KAT2B: variants seen among roughly 807,000 people sequenced by gnomAD.
The protein encoded by KAT2B is lysine acetyltransferase 2B.
In KAT2B, 36 loss-of-function variants were observed where a neutral mutation model predicts 105.9. The observed-to-expected ratio is 0.34, with a 90% CI of 0.26 to 0.45. KAT2B has a LOEUF of 0.45. Among genes scored for constraint, KAT2B ranks in the 20% least tolerant of loss-of-function variants. The pLI, the probability that KAT2B is intolerant of heterozygous loss-of-function variation, is 1.00. For missense variants in KAT2B, 820 were observed against 1,021.6 expected, an observed-to-expected ratio of 0.80 and a Z score of 2.69; for synonymous variants, 397 against 377.9, an observed-to-expected ratio of 1.05 and a Z score of -0.59.
intron 12 of KAT2B, among the ~76,000 whole-genome samples, chr3:20,138,246 C>G (rs530985357): frequency 1.3e-5 from 2 of 151,998 alleles, no homozygotes; most frequent in African/African-American, 4.8e-5. Flanking sequence ...TCAGCTCATA[C>G]CTATGCTGTT....
At chr3:20,133,851 A>G (rs1334570320) in intron 11 of KAT2B, among the ~76,000 whole-genome samples, 1 of 152,080 alleles carries the variant, frequency 6.6e-6, no homozygotes, top group Non-Finnish European at 1.5e-5. Flanking sequence ...ATTTTATGGT[A>G]GAGCGCTCTG....
Position 20,114,938 on chromosome 3 carries a change from A to C in KAT2B, c.1100A>C (p.Gln367Pro). The C allele has an allele frequency of 6.2e-7, 1 of 1,613,272 alleles. No homozygotes were observed. Among genetic ancestry groups the C allele is most frequent in the South Asian group, 1.1e-5 (1 of 91,062 alleles). The change falls in exon 7 of 18, where the codon CAG (glutamine) becomes CCG (proline). Residue 367 changes from glutamine (Q) to proline (P), a missense_variant. By Grantham distance (76) the Gln-to-Pro change is moderately conservative (BLOSUM62 -1). This residue lies in a region of KAT2B where 225 missense variants were observed against 268.1 expected (regional missense o/e 0.84). Transcript: ENST00000263754. The stretch of plus-strand genomic sequence containing the variant: ...AGTCAAAACTCTCCCATCTGGGATC[A>C]GGATTTTCTCTCAGCCTCTTCCAGA... ...VYSQNSPIWDQDFLSASSRTS... is the reference protein window; with the variant it reads ...VYSQNSPIWDPDFLSASSRTS...
chr3:20,117,311 T>C (rs1449402258), intron 7 of KAT2B, among the ~76,000 whole-genome samples: 1 of 152,196 alleles, frequency 6.6e-6, no homozygotes, highest in Non-Finnish European at 1.5e-5. Context: ...GGCTGTCTTC[T>C]CTTGTTCTAC....
intron 2 of KAT2B, among the ~76,000 whole-genome samples, chr3:20,077,182 A>G (rs910641489): frequency 1.6e-4 from 25 of 152,298 alleles, no homozygotes; most frequent in African/African-American, 5.3e-4. Context: ...CTAGGAAGTA[A>G]TAATTCTAGC....
chr3:20,070,427 C>A (rs1001604795), intron 1 of KAT2B, among the ~76,000 whole-genome samples: 1 of 151,218 alleles, frequency 6.6e-6, no homozygotes, highest in Non-Finnish European at 1.5e-5. Context: ...GCCTCAGCCT[C>A]CTGAGTAGCT....
At chr3:20,054,163 T>A (rs1697965233) in intron 1 of KAT2B, among the ~76,000 whole-genome samples, 1 of 151,812 alleles carries the variant, frequency 6.6e-6, no homozygotes, top group Non-Finnish European at 1.5e-5. Flanking sequence ...GGTGTCTCGC[T>A]CTGTCACCTA....
In KAT2B at chr3:20,040,545, G is replaced by A. The variant is rs1300527475; in HGVS notation, c.68G>A (p.Gly23Glu). The A allele has an allele frequency of 9.8e-7, 1 of 1,016,422 alleles. No individual in the cohort carries two copies. The highest frequency in any genetic ancestry group is 1.2e-6 in the Non-Finnish European group (1 of 846,556). 63.0% of individuals were successfully genotyped at this position (1,016,422 alleles called of 1,614,324 possible). A position where few individuals can be genotyped will look rare whatever the true frequency, so the allele number is the denominator to read the frequency against. Residue 23 changes from glycine to glutamate, a missense_variant, in exon 1 of 18, where the codon GGG (glycine) becomes GAG (glutamate). Coordinates refer to ENST00000263754, the MANE Select transcript of KAT2B (RefSeq NM_003884.5). ...GGAGCCGGGGCAGGGGCCGGGCCCG[G>A]GGCGCTGCCCCCGCAGCCTGCGGCG... ...GAGAGAGAGP[G>E]ALPPQPAALP...
chr3:20,070,734 C>T (rs1310463981), intron 1 of KAT2B, among the ~76,000 whole-genome samples: 2 of 151,804 alleles, frequency 1.3e-5, no homozygotes, highest in African/African-American at 4.8e-5. Flanking sequence ...TGCTGCTGGT[C>T]ACGGTGGCGC....
chr3:20,115,989 A>G (rs1699200445), intron 7 of KAT2B, among the ~76,000 whole-genome samples: 1 of 152,156 alleles, frequency 6.6e-6, no homozygotes, highest in African/African-American at 2.4e-5. Flanking sequence ...ATCCCTACAA[A>G]CCAAAGTACT....
chr3:20,132,804 T>A (rs1024791077), intron 11 of KAT2B, among the ~76,000 whole-genome samples: 1 of 152,208 alleles, frequency 6.6e-6, no homozygotes, highest in African/African-American at 2.4e-5. Flanking sequence ...AAAGAACCAT[T>A]GTTGTTCTTG....
chr3:20,054,239 C>G (rs1013717944), intron 1 of KAT2B, among the ~76,000 whole-genome samples: 3 of 151,906 alleles, frequency 2.0e-5, no homozygotes, highest in Admixed American at 6.6e-5. Flanking sequence ...AAGCAATTCT[C>G]TGCCTCAGCC....
chr3:20,098,724 A>C (rs1015320233), intron 3 of KAT2B, among the ~76,000 whole-genome samples: 1 of 152,220 alleles, frequency 6.6e-6, no homozygotes, highest in East Asian at 1.9e-4. Context: ...ATCTTTAGAT[A>C]TTCTTAGAAA....
intron 1 of KAT2B, among the ~76,000 whole-genome samples, chr3:20,059,521 C>A (rs1051088163): frequency 6.7e-6 from 1 of 148,776 alleles, no homozygotes; most frequent in Non-Finnish European, 1.5e-5. Context: ...ATCGAGACCA[C>A]GGTGAAACCC....
At position 20,080,832 on chromosome 3, in the gene KAT2B, GA is replaced by G. The variant is rs1698505762; in HGVS notation, c.430+8376del. 2.0e-5 allele frequency among the ~76,000 whole-genome samples: 3 copies of G among 152,140 alleles called. No homozygotes were observed. In the South Asian group the frequency reaches 6.2e-4, roughly 32 times the overall value. On this transcript the variant is annotated intron_variant, in intron 2 of 17. Transcript: ENST00000263754. ...TAACTTTTAATATTGCATACGTATT[GA>G]AAGAATAATACTTTGGTATATATTA...
In KAT2B at chr3:20,152,480, A is replaced by C; in HGVS notation, c.2454A>C (p.Lys818Asn). 6.2e-7 allele frequency: 1 copy of C among 1,613,396 alleles called. No individual in the cohort carries two copies. Among genetic ancestry groups the C allele is most frequent in the Non-Finnish European group, 8.5e-7 (1 of 1,179,532 alleles). ...ACAAATGTGCCAATATCCTGGAGAA[A>C]TTCTTCTTCAGTAAAATTAAGGAAG... ...EYYKCANILE[K>N]FFFSKIKEAG... Residue 818 changes from lysine (K) to asparagine (N), a missense_variant, in exon 18 of 18, where the codon AAA becomes AAC. Physicochemically the swap from Lys to Asn is moderately conservative, Grantham distance 94. Transcript: ENST00000263754.
chr3:20,100,731 GATTAA>G (rs998619572), intron 4 of KAT2B, among the ~76,000 whole-genome samples: 1 of 152,098 alleles, frequency 6.6e-6, no homozygotes, highest in African/African-American at 2.4e-5. Context: ...TCTGTAGAAA[GATTAA>G]ATTAACAGTT....
intron 10 of KAT2B, among the ~76,000 whole-genome samples, chr3:20,126,840 A>AAAAC: frequency 6.7e-6 from 1 of 150,234 alleles, no homozygotes; most frequent in African/African-American, 2.5e-5. Context: ...AAAAAAAAAA[A>AAAAC]CCCACGAAAC....
intron 1 of KAT2B, among the ~76,000 whole-genome samples, chr3:20,061,893 A>ATTATATATAAAATATGTG: frequency 9.6e-6 from 1 of 104,246 alleles, no homozygotes; most frequent in Non-Finnish European, 2.0e-5. Flanking sequence ...TAAAATATGT[A>ATTATATATAAAATATGTG]TTATATATTA....
At chr3:20,147,884 G>A in intron 14 of KAT2B, 79 bp from the exon 15 acceptor site, 1 of 1,361,476 alleles carries the variant, frequency 7.3e-7, no homozygotes, top group Non-Finnish European at 1.0e-6. Context: ...ATAATTTCTT[G>A]TTTTTGATAA....
Sources: gnomAD v4.1 joint callset for allele counts (sites outside exome capture counted in the v4.1 genomes callset) on GRCh38, gnomAD v4.1.1 for gene constraint, gnomAD v4.1.1 regional missense constraint, MANE v1.5 for transcripts, NCBI Gene and HGNC (gene_info 2026-07-23, HGNC 2026-07-21) for gene names.